PREX2: variants seen among roughly 807,000 people sequenced by gnomAD.
PREX2 encodes phosphatidylinositol-3,4,5-trisphosphate dependent Rac exchange factor 2.
In PREX2, 107 loss-of-function variants were observed where a neutral mutation model predicts 203.2. The ratio of observed to expected loss-of-function variants is 0.53; its 90% CI spans 0.45 to 0.62. The LOEUF (loss-of-function observed/expected upper bound fraction) is 0.62. Among genes scored for constraint, PREX2 ranks in the 20% least tolerant of loss-of-function variants. PREX2 has a pLI of 0.00. For missense variants in PREX2, 1,777 were observed against 1,955.9 expected, an observed-to-expected ratio of 0.91 and a Z score of 1.72; for synonymous variants, 672 against 663.6, an observed-to-expected ratio of 1.01 and a Z score of -0.19.
At chr8:68,144,113 T>G (rs141068420) in intron 33 of PREX2, among the ~76,000 whole-genome samples, 10 of 152,314 alleles carry the variant, frequency 6.6e-5, no homozygotes, top group African/African-American at 2.4e-4. Context: ...AGTCTTAAAT[T>G]AAAGGAGTAT....
At chr8:68,037,085 A>C (rs1389958985) in intron 6 of PREX2, among the ~76,000 whole-genome samples, 2 of 152,210 alleles carry the variant, frequency 1.3e-5, no homozygotes, top group East Asian at 3.8e-4. Context: ...TTTTAATTTA[A>C]ATTTTTACAA....
chr8:67,973,708 G>A (rs907482735), intron 1 of PREX2, among the ~76,000 whole-genome samples: 1 of 152,130 alleles, frequency 6.6e-6, no homozygotes, highest in Admixed American at 6.6e-5. Flanking sequence ...TACTATGTAT[G>A]TGGGTTTTGT....
chr8:68,197,037 T>C (rs191764041), intron 37 of PREX2, among the ~76,000 whole-genome samples: 1 of 152,114 alleles, frequency 6.6e-6, no homozygotes, highest in Non-Finnish European at 1.5e-5. Flanking sequence ...CGGTGTCTGG[T>C]GAGAGTCCTG....
At chr8:68,199,843 T>C (rs35084565) in intron 37 of PREX2, among the ~76,000 whole-genome samples, 2,880 of 152,306 alleles carry the variant, frequency 0.019, 43 homozygotes, top group Middle Eastern at 0.041. Context: ...GCAGAATCTT[T>C]TTAAAGTAGA....
intron 31 of PREX2, among the ~76,000 whole-genome samples, chr8:68,129,741 T>G (rs1023916301): frequency 6.6e-6 from 1 of 152,116 alleles, no homozygotes; most frequent in East Asian, 1.9e-4. Context: ...AAGATGAGTT[T>G]AAATAGGTGC....
intron 1 of PREX2, among the ~76,000 whole-genome samples, chr8:68,004,165 C>G (rs1242506602): frequency 2.0e-5 from 3 of 152,116 alleles, no homozygotes. Flanking sequence ...AATCCAGGCT[C>G]CTTCATTTCC....
rs200431659 is a variant in PREX2 at position 68,053,177 on chromosome 8, A to T, written c.1024A>T (p.Met342Leu). ...NTAKNKWFVC[M>L]AKTPEEKHEW... ...AGCAAAAAATAAATGGTTTGTTTGTATGGCAAAAACACCTGAAGAGAAGCA... is the reference window on the plus strand; with the variant it reads ...AGCAAAAAATAAATGGTTTGTTTGTTTGGCAAAAACACCTGAAGAGAAGCA... The change falls in exon 9 of 40, where the codon ATG (methionine) becomes TTG (leucine). Residue 342 changes from methionine to leucine, a missense_variant. Transcript: ENST00000288368. 1 of 1,613,692 alleles carries T rather than the reference A, an allele frequency of 6.2e-7. No homozygotes were observed. Among genetic ancestry groups the T allele is most frequent in the Non-Finnish European group, 8.5e-7 (1 of 1,179,782 alleles).
intron 20 of PREX2, among the ~76,000 whole-genome samples, chr8:68,092,334 T>C (rs1234713034): frequency 6.6e-6 from 1 of 152,176 alleles, no homozygotes; most frequent in Admixed American, 6.5e-5. Flanking sequence ...AATGATCAAA[T>C]GTTAATTAGC....
At chr8:68,193,147 C>T (rs1045952712) in intron 37 of PREX2, among the ~76,000 whole-genome samples, 2 of 152,126 alleles carry the variant, frequency 1.3e-5, no homozygotes, top group East Asian at 1.9e-4. Context: ...CTCAAAAGTG[C>T]GAGTGGGAAT....
chr8:68,157,541 T>G (rs1427166384), intron 35 of PREX2, 105 bp downstream of exon 35: 1 of 507,398 alleles, frequency 2.0e-6, no homozygotes, highest in Non-Finnish European at 3.5e-6. Flanking sequence ...TAATGACATT[T>G]CTTTTGATAT....
chr8:68,101,919 A>C (rs1810275777), intron 23 of PREX2, among the ~76,000 whole-genome samples: 1 of 152,200 alleles, frequency 6.6e-6, no homozygotes, highest in African/African-American at 2.4e-5. Context: ...TATATTAGGT[A>C]GCAAATTGAT....
intron 1 of PREX2, among the ~76,000 whole-genome samples, chr8:68,010,041 TA>T (rs1419054639): frequency 6.6e-6 from 1 of 152,226 alleles, no homozygotes; most frequent in African/African-American, 2.4e-5. Flanking sequence ...CCTCGTGCTC[TA>T]AGTTGTTTCA....
Position 68,038,191 on chromosome 8 carries a change from G to T in PREX2, c.738G>T (p.Met246Ile), listed in dbSNP as rs1563512476. 1 of 1,613,842 alleles carries T rather than the reference G, an allele frequency of 6.2e-7. No individual in the cohort carries two copies. Among genetic ancestry groups the T allele is most frequent in the Admixed American group, 1.7e-5 (1 of 60,018 alleles). ...GSNITDTCTE[M>I]LMCGVLLKIS... ...ACATCACTGACACCTGCACTGAAAT[G>T]CTAATGTGTGGAGTCTTACTGAAAA... Residue 246 changes from methionine to isoleucine, a missense_variant, in exon 7 of 40, where the codon ATG (methionine) becomes ATT (isoleucine). Physicochemically the swap from Met to Ile is conservative, Grantham distance 10. Transcript: ENST00000288368.
At chr8:68,119,895 A>C (rs1191841872) in intron 28 of PREX2, among the ~76,000 whole-genome samples, 1 of 152,196 alleles carries the variant, frequency 6.6e-6, no homozygotes, top group African/African-American at 2.4e-5. Flanking sequence ...ACATTAACAA[A>C]ATTTATAGCC....
intron 33 of PREX2, among the ~76,000 whole-genome samples, chr8:68,143,579 T>C (rs899063731): frequency 6.6e-6 from 1 of 152,200 alleles, no homozygotes; most frequent in African/African-American, 2.4e-5. Context: ...GAGTTATCTG[T>C]GTATTTTGGA....
chr8:68,065,454 C>T (rs1808988927), intron 11 of PREX2, among the ~76,000 whole-genome samples: 1 of 152,132 alleles, frequency 6.6e-6, no homozygotes, highest in Admixed American at 6.5e-5. Flanking sequence ...TACCAAAAAG[C>T]TGTATTGTCT....
At chr8:68,072,407 T>A in intron 13 of PREX2, 88 bp from the exon 14 acceptor site, 1 of 695,652 alleles carries the variant, frequency 1.4e-6, no homozygotes. Flanking sequence ...TGCATATTGA[T>A]ACTAAATGAA....
At position 68,055,834 on chromosome 8, in the gene PREX2, A is replaced by T; in HGVS notation, c.1098A>T (p.Leu366Phe). 1 of 1,610,020 alleles carries T rather than the reference A, an allele frequency of 6.2e-7. No homozygotes were observed. The highest frequency in any genetic ancestry group is 8.5e-7 in the Non-Finnish European group (1 of 1,178,922). ...CCTTTCTTTCATTTTTGATAGGTTT[A>T]AAATTAGGAATGGAGCAAGATACCT... ...ILKERERRKG[L>F]KLGMEQDTWV... Residue 366 changes from leucine (L) to phenylalanine (F), a missense_variant, in exon 10 of 40, where the codon TTA (leucine) becomes TTT (phenylalanine). Leu to Phe is a conservative substitution (Grantham distance 22). Coordinates refer to ENST00000288368, the MANE Select transcript of PREX2 (RefSeq NM_024870.4).
At position 68,126,916 on chromosome 8, in the gene PREX2, G is replaced by A. The variant is rs188276359; in HGVS notation, c.3725-462G>A. 2.1e-3 allele frequency among the ~76,000 whole-genome samples: 324 copies of A among 151,154 alleles called. 5 individuals carry two copies. The East Asian group carries it at 0.046, about 22-fold the overall frequency. On this transcript the variant is annotated intron_variant, in intron 30 of 39. Transcript: ENST00000288368. ...TATATATACATATATACGTGTGTGT[G>A]TATATATATATACACACATGTGTAA...
Sources: gnomAD v4.1 joint callset for allele counts (sites outside exome capture counted in the v4.1 genomes callset) on GRCh38, gnomAD v4.1.1 for gene constraint, MANE v1.5 for transcripts, NCBI Gene and HGNC (gene_info 2026-07-23, HGNC 2026-07-21) for gene names.